CAMK2D: variants seen among roughly 807,000 people sequenced by gnomAD.
The protein encoded by CAMK2D is calcium/calmodulin dependent protein kinase II delta, also known as calcium/calmodulin-dependent protein kinase type II subunit delta.
In CAMK2D, 37 loss-of-function variants were observed where a neutral mutation model predicts 84.0. The ratio of observed to expected loss-of-function variants is 0.44; its 90% confidence interval spans 0.34 to 0.58. The LOEUF (loss-of-function observed/expected upper bound fraction) is 0.58, where lower values mean the gene tolerates loss of function less well. Among genes scored for constraint, CAMK2D ranks in the 20% least tolerant of loss-of-function variants. The pLI, the probability that CAMK2D is intolerant of heterozygous loss-of-function variation, is 0.02. For missense variants in CAMK2D, 448 were observed against 652.5 expected (o/e 0.69, Z 3.41); for synonymous variants, 202 against 212.5 (o/e 0.95, Z 0.43).
Position 113,693,659 on chromosome 4 carries a change from G to A in CAMK2D, c.161-31887C>T, listed in dbSNP as rs1163077524. 3.3e-5 allele frequency among the ~76,000 whole-genome samples: 5 copies of A among 152,120 alleles called. 1 individual carries two copies. The highest frequency in any genetic ancestry group is 4.1e-4 in the South Asian group (2 of 4,824). ...TAGTAGGGATTTATTGGAAATTTTCGCTCAGGACCTAATAACTTAAAAGAT... is the reference window on the plus strand; with the variant it reads ...TAGTAGGGATTTATTGGAAATTTTCACTCAGGACCTAATAACTTAAAAGAT... On this transcript the variant is annotated intron_variant, in intron 2 of 20. Transcript: ENST00000511664.
intron 3 of CAMK2D, among the ~76,000 whole-genome samples, chr4:113,632,098 C>G (rs72617772): frequency 0.12 from 17,889 of 152,184 alleles, 1,252 homozygotes; most frequent in Middle Eastern, 0.21. Flanking sequence ...ACTTATTATA[C>G]AATCAAAGCC....
At chr4:113,623,238 A>G (rs887522780) in intron 3 of CAMK2D, among the ~76,000 whole-genome samples, 7 of 152,090 alleles carry the variant, frequency 4.6e-5, no homozygotes, top group African/African-American at 1.7e-4. Context: ...ACTTTTTTGA[A>G]CTGGCTTTGG....
At chr4:113,494,843 T>G (rs1414973009) in intron 16 of CAMK2D, among the ~76,000 whole-genome samples, 1 of 152,214 alleles carries the variant, frequency 6.6e-6, no homozygotes, top group Non-Finnish European at 1.5e-5. Context: ...AATCTCCTGG[T>G]GCGCCGTTTT....
chr4:113,590,009 A>G (rs1011222183), intron 4 of CAMK2D, among the ~76,000 whole-genome samples: 2 of 152,188 alleles, frequency 1.3e-5, no homozygotes, highest in African/African-American at 4.8e-5. Flanking sequence ...TATGCATGTT[A>G]ATAAGGTTAA....
chr4:113,684,539 G>A (rs760182331), intron 2 of CAMK2D, among the ~76,000 whole-genome samples: 2 of 152,098 alleles, frequency 1.3e-5, no homozygotes, highest in Admixed American at 1.3e-4. Flanking sequence ...GTGTAACAGA[G>A]GACTTGCTCA....
intron 16 of CAMK2D, among the ~76,000 whole-genome samples, chr4:113,472,791 G>A (rs7697235): frequency 0.33 from 50,779 of 151,884 alleles, 8,750 homozygotes; most frequent in Middle Eastern, 0.39. Context: ...AATTAAAATT[G>A]TTATATAGCA....
intron 16 of CAMK2D, among the ~76,000 whole-genome samples, chr4:113,471,612 T>G (rs569776067): frequency 2.3e-4 from 35 of 152,264 alleles, no homozygotes; most frequent in Middle Eastern, 3.4e-3. Context: ...TCTTTAGCCA[T>G]TCTACATTCT....
intron 4 of CAMK2D, among the ~76,000 whole-genome samples, chr4:113,592,634 A>AT (rs913791905): frequency 2.6e-5 from 4 of 151,598 alleles, no homozygotes; most frequent in African/African-American, 4.8e-5. Context: ...AAAGTTTCAG[A>AT]TTTTTTTTTC....
intron 2 of CAMK2D, among the ~76,000 whole-genome samples, chr4:113,675,570 C>T (rs1018709989): frequency 2.0e-5 from 3 of 151,094 alleles, no homozygotes. Flanking sequence ...ATTGGTTCCA[C>T]AAAAAGTTAG....
At chr4:113,652,576 G>C (rs541584412) in intron 3 of CAMK2D, among the ~76,000 whole-genome samples, 162 of 152,280 alleles carry the variant, frequency 1.1e-3, no homozygotes, top group Middle Eastern at 3.4e-3. Context: ...AGAAAAGGGA[G>C]TGGAGGTGGG....
At chr4:113,612,969 T>C (rs886876156) in intron 3 of CAMK2D, among the ~76,000 whole-genome samples, 3 of 152,156 alleles carry the variant, frequency 2.0e-5, no homozygotes, top group African/African-American at 7.2e-5. Context: ...CATTATTCCA[T>C]TGCAGTTTCT....
chr4:113,477,198 G>A (rs758117311), intron 16 of CAMK2D, among the ~76,000 whole-genome samples: 12 of 152,024 alleles, frequency 7.9e-5, no homozygotes, highest in African/African-American at 2.2e-4. Flanking sequence ...TTCCAATGTC[G>A]TCATGCATTT....
chr4:113,651,469 C>T (rs980566769), intron 3 of CAMK2D, among the ~76,000 whole-genome samples: 7 of 152,168 alleles, frequency 4.6e-5, no homozygotes, highest in African/African-American at 1.7e-4. Context: ...AAAAAAGTGA[C>T]AAAAAGAAAT....
chr4:113,540,207 A>G (rs1490879817), intron 6 of CAMK2D, among the ~76,000 whole-genome samples: 1 of 152,194 alleles, frequency 6.6e-6, no homozygotes, highest in Non-Finnish European at 1.5e-5. Flanking sequence ...AATATATTGT[A>G]CTACAAAATT....
chr4:113,592,633 G>T (rs191728464), intron 4 of CAMK2D, among the ~76,000 whole-genome samples: 1 of 152,012 alleles, frequency 6.6e-6, no homozygotes, highest in East Asian at 1.9e-4. Flanking sequence ...TAAAGTTTCA[G>T]ATTTTTTTTT....
chr4:113,495,037 G>C (rs1039189935), intron 16 of CAMK2D, among the ~76,000 whole-genome samples: 1 of 152,146 alleles, frequency 6.6e-6, no homozygotes. Flanking sequence ...TGCGCCCACT[G>C]TGTGGCACTC....
At chr4:113,652,339 T>C (rs1185327006) in intron 3 of CAMK2D, among the ~76,000 whole-genome samples, 1 of 152,244 alleles carries the variant, frequency 6.6e-6, no homozygotes, top group Non-Finnish European at 1.5e-5. Flanking sequence ...TTAATAGTTT[T>C]ATCATTAGTT....
chr4:113,663,543 C>T lies in CAMK2D; in HGVS notation c.161-1771G>A, dbSNP rs113134866. On this transcript the variant is annotated intron_variant, in intron 2 of 20. Transcript: ENST00000511664. ...GATGGATGTTGCAGTGTGCTAAGAA[C>T]GTGCCGCTGCACTCCAGCCTGGGTG... Among the ~76,000 whole-genome samples the T allele has an allele frequency of 6.6e-3, 1,001 of 151,632 alleles. 10 individuals are homozygous for T. The highest frequency in any genetic ancestry group is 0.023 in the African/African-American group (932 of 41,302).
At chr4:113,710,218 A>C (rs2099487790) in intron 2 of CAMK2D, among the ~76,000 whole-genome samples, 1 of 152,126 alleles carries the variant, frequency 6.6e-6, no homozygotes, top group South Asian at 2.1e-4. Context: ...TTTATTTCCT[A>C]GAGTATAGGA....
Sources: allele counts gnomAD v4.1 joint callset (sites outside exome capture counted in the v4.1 genomes callset), GRCh38; gene constraint gnomAD v4.1.1; transcripts MANE v1.5; gene names NCBI Gene and HGNC (gene_info 2026-07-23, HGNC 2026-07-21).